MAF: variants seen among roughly 807,000 people sequenced by gnomAD.
MAF encodes transcription factor Maf.
A neutral mutation model predicts 22.0 loss-of-function variants in MAF; 10 were observed. The observed-to-expected ratio is 0.45, with a 90% CI of 0.28 to 0.77. The LOEUF is 0.77. Among genes scored for constraint, MAF ranks in the 30% least tolerant of loss-of-function variants. The pLI, the probability that MAF is intolerant of heterozygous loss-of-function variation, is 0.12. For synonymous variants in MAF, 337 were observed against 255.8 expected (o/e 1.32, Z -3.03); for missense variants, 544 against 548.4 (o/e 0.99, Z 0.08).
chr16:79,225,254 A>G, the MAF span, among the ~76,000 whole-genome samples: 1 of 152,218 alleles, frequency 6.6e-6, no homozygotes, highest in Non-Finnish European at 1.5e-5. Context: ...AAAAACAAGC[A>G]ATGGGGAAAG....
chr16:79,328,918 T>C, the MAF span, among the ~76,000 whole-genome samples: 2 of 152,136 alleles, frequency 1.3e-5, no homozygotes, highest in East Asian at 3.9e-4. Context: ...GCTAAGGGCA[T>C]AACTGGGTGC....
At chr16:79,330,872 C>A in the MAF span, among the ~76,000 whole-genome samples, 1 of 152,220 alleles carries the variant, frequency 6.6e-6, no homozygotes, top group African/African-American at 2.4e-5. Flanking sequence ...TAAACCTGGC[C>A]AGGCCTGCCT....
chr16:79,363,452 C>G, the MAF span, among the ~76,000 whole-genome samples: 2 of 152,126 alleles, frequency 1.3e-5, no homozygotes, highest in Non-Finnish European at 2.9e-5. Context: ...AACACAAAAC[C>G]AATTGTATAA....
At chr16:79,367,294 C>G in the MAF span, among the ~76,000 whole-genome samples, 2 of 152,180 alleles carry the variant, frequency 1.3e-5, no homozygotes, top group East Asian at 3.9e-4. Flanking sequence ...TGCTATTGAT[C>G]AGTTGTACCT....
chr16:79,357,646 C>G, the MAF span, among the ~76,000 whole-genome samples: 1 of 152,064 alleles, frequency 6.6e-6, no homozygotes, highest in African/African-American at 2.4e-5. Flanking sequence ...GGGTTGGGAC[C>G]ATGGCTGTCT....
chr16:79,284,950 C>T, the MAF span, among the ~76,000 whole-genome samples: 4 of 152,196 alleles, frequency 2.6e-5, no homozygotes, highest in African/African-American at 9.7e-5. Flanking sequence ...ACGCGGCTCT[C>T]TTTACAGATT....
chr16:79,465,528 G>C, the MAF span, among the ~76,000 whole-genome samples: 47 of 152,288 alleles, frequency 3.1e-4, no homozygotes, highest in Non-Finnish European at 5.9e-4. Context: ...CAGAGGTGGA[G>C]TTGCAGTGAG....
the MAF span, among the ~76,000 whole-genome samples, chr16:79,252,549 G>C: frequency 6.6e-6 from 1 of 152,026 alleles, no homozygotes; most frequent in African/African-American, 2.4e-5. Flanking sequence ...GAGTGCAGTA[G>C]CGCCATCTCA....
chr16:79,343,034 A>G, the MAF span, among the ~76,000 whole-genome samples: 1 of 152,204 alleles, frequency 6.6e-6, no homozygotes, highest in Non-Finnish European at 1.5e-5. Flanking sequence ...TCTTGACACT[A>G]CCTGATAGTC....
chr16:79,499,424 T>C, the MAF span, among the ~76,000 whole-genome samples: 1 of 152,202 alleles, frequency 6.6e-6, no homozygotes, highest in Non-Finnish European at 1.5e-5. Flanking sequence ...GCCCATGGCA[T>C]AGAAGCTATA....
the MAF span, among the ~76,000 whole-genome samples, chr16:79,296,889 C>T: frequency 6.6e-6 from 1 of 152,326 alleles, no homozygotes. Context: ...CATTTGCTCT[C>T]AATGCCCTGG....
chr16:79,212,403 A>G, the MAF span: 34 of 430,352 alleles, frequency 7.9e-5, no homozygotes, highest in African/African-American at 6.2e-4. Flanking sequence ...AGTACTTGTC[A>G]TAGACTCCTT....
the MAF span, chr16:79,211,712 A>G: frequency 6.2e-7 from 1 of 1,614,210 alleles, no homozygotes; most frequent in African/African-American, 1.3e-5. Flanking sequence ...CCTCACCAGA[A>G]GCTCAGAGCG....
the MAF span, among the ~76,000 whole-genome samples, chr16:79,548,302 T>C: frequency 1.3e-5 from 2 of 152,242 alleles, no homozygotes; most frequent in African/African-American, 4.8e-5. Flanking sequence ...GTCTGTTTTT[T>C]CATTAGTTTT....
At chr16:79,511,686 C>T in the MAF span, among the ~76,000 whole-genome samples, 27 of 152,284 alleles carry the variant, frequency 1.8e-4, no homozygotes, top group Admixed American at 6.5e-5. Flanking sequence ...GCTCACCAAT[C>T]GGCATTCAGT....
At chr16:79,301,667 A>T in the MAF span, among the ~76,000 whole-genome samples, 1 of 152,204 alleles carries the variant, frequency 6.6e-6, no homozygotes, top group African/African-American at 2.4e-5. Flanking sequence ...ATATGCATGC[A>T]TATAATGTAT....
At chr16:79,274,488 C>G in the MAF span, among the ~76,000 whole-genome samples, 4 of 152,152 alleles carry the variant, frequency 2.6e-5, no homozygotes, top group African/African-American at 9.7e-5. Flanking sequence ...CCTGGAGACT[C>G]TGGTGTCCAG....
the MAF span, among the ~76,000 whole-genome samples, chr16:79,364,589 T>C: frequency 1.3e-5 from 2 of 152,208 alleles, no homozygotes; most frequent in African/African-American, 4.8e-5. Context: ...AGCACACTGT[T>C]TTCCAACTAC....
At chr16:79,479,659 G>A in the MAF span, among the ~76,000 whole-genome samples, 5 of 152,222 alleles carry the variant, frequency 3.3e-5, no homozygotes, top group African/African-American at 1.2e-4. Flanking sequence ...ACAGTACTGA[G>A]TATGTGAAAA....
Sources: allele counts gnomAD v4.1 joint callset (sites outside exome capture counted in the v4.1 genomes callset), GRCh38; gene constraint gnomAD v4.1.1; transcripts MANE v1.5; gene names NCBI Gene and HGNC (gene_info 2026-07-23, HGNC 2026-07-21).